FBN2: variants seen among roughly 807,000 people sequenced by gnomAD.
The protein encoded by FBN2 is fibrillin 2.
Under a neutral mutation model 355.6 loss-of-function variants are expected in FBN2, and 105 were observed. The ratio of observed to expected loss-of-function variants is 0.30; its 90% CI spans 0.25 to 0.35. The LOEUF is 0.35. Ranked by LOEUF, FBN2 falls within the 10% of genes least tolerant of loss-of-function variation. The pLI is 1.00. For synonymous variants in FBN2, 1,350 were observed against 1,301.2 expected (o/e 1.04, Z -0.81); for missense variants, 3,280 against 3,758.7 (o/e 0.87, Z 3.33).
At chr5:128,496,758 T>C (rs910186746) in intron 5 of FBN2, among the ~76,000 whole-genome samples, 2 of 151,774 alleles carry the variant, frequency 1.3e-5, no homozygotes, top group Non-Finnish European at 2.9e-5. Context: ...ATGTATATTA[T>C]AAAATATACA....
intron 58 of FBN2, among the ~76,000 whole-genome samples, chr5:128,276,994 C>A (rs1314950260): frequency 6.6e-6 from 1 of 152,152 alleles, no homozygotes; most frequent in African/African-American, 2.4e-5. Context: ...AGACAATCTC[C>A]ATTTCCTCCA....
At chr5:128,291,723 T>G in intron 48 of FBN2, 69 bp from the exon 49 acceptor site, 1 of 1,351,494 alleles carries the variant, frequency 7.4e-7, no homozygotes, top group Non-Finnish European at 1.1e-6. Context: ...ATACTATCAC[T>G]GTCCACTAGC....
At chr5:128,343,845 T>C (rs961150278) in intron 25 of FBN2, among the ~76,000 whole-genome samples, 2 of 152,204 alleles carry the variant, frequency 1.3e-5, no homozygotes, top group Non-Finnish European at 2.9e-5. Context: ...TGTTCCTAAA[T>C]ATAAAACAAA....
At chr5:128,420,343 A>C (rs1753314316) in intron 7 of FBN2, among the ~76,000 whole-genome samples, 1 of 152,210 alleles carries the variant, frequency 6.6e-6, no homozygotes, top group Admixed American at 6.5e-5. Flanking sequence ...CAGCCACTTA[A>C]CATAAAAACT....
chr5:128,473,899 A>G (rs1185350332), intron 5 of FBN2, among the ~76,000 whole-genome samples: 1 of 152,234 alleles, frequency 6.6e-6, no homozygotes, highest in Non-Finnish European at 1.5e-5. Flanking sequence ...ATTTTATTTC[A>G]ACCTAATACC....
At chr5:128,292,663 C>T (rs1003542755) in intron 48 of FBN2, among the ~76,000 whole-genome samples, 3 of 152,180 alleles carry the variant, frequency 2.0e-5, no homozygotes, top group Admixed American at 2.0e-4. Context: ...CCACGCTGAC[C>T]GCAGGCCTGA....
At chr5:128,459,040 A>T (rs1180257568) in intron 6 of FBN2, among the ~76,000 whole-genome samples, 2 of 152,078 alleles carry the variant, frequency 1.3e-5, no homozygotes, top group East Asian at 3.8e-4. Context: ...AATTAATGAA[A>T]CTGATAGACT....
In FBN2 at chr5:128,277,914, G is replaced by C; in HGVS notation, c.7437C>G (p.Gly2479=). ...AGGTTCCACTGATGTCTGTGGTGTAGCCAACCTTGCAGAAGCATCGGAATG... is the reference window on the plus strand; with the variant it reads ...AGGTTCCACTGATGTCTGTGGTGTACCCAACCTTGCAGAAGCATCGGAATG... ...MGSFRCFCKV[G]YTTDISGTSC... is the part of the protein sequence containing the mutation. Residue 2479 remains glycine, a synonymous_variant, in exon 58 of 65, where the codon GGC becomes GGG. Transcript: ENST00000262464. The C allele has an allele frequency of 6.2e-7, 1 of 1,614,132 alleles. No individual in the cohort carries two copies. The highest frequency in any genetic ancestry group is 8.5e-7 in the Non-Finnish European group (1 of 1,180,004).
In FBN2 at chr5:128,401,819, A is replaced by G. The variant is rs529725449; in HGVS notation, c.1079-6545T>C. ...ACTAATAATAACCATTGTTCTACAC[A>G]GTTTGGAAACCTCTGGTCAGTCCTG... On this transcript the variant is annotated intron_variant, in intron 8 of 64. Transcript: ENST00000262464. Among the ~76,000 whole-genome samples the G allele has an allele frequency of 9.2e-5, 14 of 152,306 alleles. No individual in the cohort carries two copies. In the East Asian group the frequency reaches 2.5e-3, roughly 27 times the overall value.
At chr5:128,458,490 A>C (rs181569621) in intron 6 of FBN2, among the ~76,000 whole-genome samples, 378 of 151,764 alleles carry the variant, frequency 2.5e-3, no homozygotes, top group Non-Finnish European at 4.3e-3. Flanking sequence ...CTCTGCCCCA[A>C]ATCAACAGAA....
At chr5:128,434,394 G>GCATATATATACATATA (rs1554068954) in intron 7 of FBN2, among the ~76,000 whole-genome samples, 4 of 91,678 alleles carry the variant, frequency 4.4e-5, no homozygotes. Flanking sequence ...AATAAAGTGT[G>GCATATATATACATATA]TATATATATA....
chr5:128,488,798 A>AT (rs1366469046), intron 5 of FBN2, among the ~76,000 whole-genome samples: 1 of 151,578 alleles, frequency 6.6e-6, no homozygotes, highest in Non-Finnish European at 1.5e-5. Flanking sequence ...ATGATTTCCA[A>AT]TTTCATCCAT....
chr5:128,286,632 G>T, intron 55 of FBN2, 86 bp downstream of exon 55: 1 of 1,493,310 alleles, frequency 6.7e-7, no homozygotes, highest in Non-Finnish European at 9.3e-7. Flanking sequence ...GAGTTGGCTT[G>T]CAGTTAAGAT....
At chr5:128,536,268 C>T (rs1011922449) in intron 2 of FBN2, 134 bp downstream of exon 2, 1 of 736,692 alleles carries the variant, frequency 1.4e-6, no homozygotes, top group Non-Finnish European at 2.4e-6. Flanking sequence ...AATGGGGCCG[C>T]GTCCCGATTA....
chr5:128,377,689 G>C (rs1752115165), intron 13 of FBN2, 63 bp downstream of exon 13: 1 of 1,547,866 alleles, frequency 6.5e-7, no homozygotes, highest in South Asian at 1.1e-5. Flanking sequence ...AATAGTACAT[G>C]GTTCTAAATA....
chr5:128,308,354 A>C (rs1749941354), intron 41 of FBN2, among the ~76,000 whole-genome samples: 1 of 152,172 alleles, frequency 6.6e-6, no homozygotes, highest in Non-Finnish European at 1.5e-5. Context: ...AATAATGGCA[A>C]GATAAGGCTA....
At chr5:128,364,053 A>C (rs1581242706) in intron 18 of FBN2, among the ~76,000 whole-genome samples, 1 of 152,328 alleles carries the variant, frequency 6.6e-6, no homozygotes, top group East Asian at 1.9e-4. Context: ...AAAATCTTGC[A>C]CTAATAGGAA....
chr5:128,375,525 C>G (rs1189495536), intron 14 of FBN2, among the ~76,000 whole-genome samples: 1 of 152,120 alleles, frequency 6.6e-6, no homozygotes, highest in Non-Finnish European at 1.5e-5. Context: ...CTACAGTACT[C>G]CTCCTTCTTG....
At position 128,330,652 on chromosome 5, in the gene FBN2, A is replaced by G; in HGVS notation, c.4266T>C (p.Asn1422=). The G allele has an allele frequency of 6.2e-7, 1 of 1,613,906 alleles. No individual in the cohort carries two copies. The highest frequency in any genetic ancestry group is 8.5e-7 in the Non-Finnish European group (1 of 1,179,794). The change falls in exon 33 of 65, where the codon AAT becomes AAC. Residue 1422 remains asparagine, a synonymous_variant. Transcript: ENST00000262464. Reference sequence around the variant, plus strand: ...AGCCCGGGGTATTTACACACTGAGCATTGATGCTACACTGGTGGGTTCCAT... The same window carrying G: ...AGCCCGGGGTATTTACACACTGAGCGTTGATGCTACACTGGTGGGTTCCAT... ...CSNGTHQCSI[N]AQCVNTPGSY...
Sources: allele counts gnomAD v4.1 joint callset (sites outside exome capture counted in the v4.1 genomes callset), GRCh38; gene constraint gnomAD v4.1.1; transcripts MANE v1.5; gene names NCBI Gene and HGNC (gene_info 2026-07-23, HGNC 2026-07-21).